ALDH1L1: variants seen among roughly 807,000 people sequenced by gnomAD.
ALDH1L1 encodes the protein aldehyde dehydrogenase 1 family member L1, also known as cytosolic 10-formyltetrahydrofolate dehydrogenase.
ALDH1L1 carries 68 observed loss-of-function variants against 101.1 expected under a neutral mutation model. The ratio of observed to expected loss-of-function variants is 0.67; its 90% confidence interval spans 0.55 to 0.82. The LOEUF (loss-of-function observed/expected upper bound fraction) is 0.82. ALDH1L1 is among the 40% of genes least tolerant of loss of function. The pLI is 0.00. For synonymous variants in ALDH1L1, 486 were observed against 470.8 expected, an observed-to-expected ratio of 1.03 and a Z score of -0.42; for missense variants, 1,087 against 1,172.7, an observed-to-expected ratio of 0.93 and a Z score of 1.07.
At chr3:126,175,250 C>T (rs899290249) in intron 1 of ALDH1L1, among the ~76,000 whole-genome samples, 1 of 152,034 alleles carries the variant, frequency 6.6e-6, no homozygotes, top group African/African-American at 2.4e-5. Context: ...AGCCAGTAGC[C>T]TTCCAAAATA....
At position 126,112,853 on chromosome 3, in the gene ALDH1L1, CT is replaced by C; in HGVS notation, c.2109del (p.Gly704GlufsTer25). The C allele has an allele frequency of 6.2e-7, 1 of 1,613,598 alleles. No individual in the cohort carries two copies. The highest frequency in any genetic ancestry group is 8.5e-7 in the Non-Finnish European group (1 of 1,180,030). Reference sequence around the variant, plus strand: ...CGGCCTGCTGCAATGCAATTCTCTCCTTTGTTGAAGAAAACAGAACTCATCC... The same window carrying C: ...CGGCCTGCTGCAATGCAATTCTCTCCTTGTTGAAGAAAACAGAACTCATCC... Reference protein sequence around the residue: ...QMGMSSVFFNKGENCIAAGRL... With the variant: ...QMGMSSVFFNXGENCIAAGRL... On this transcript the variant is annotated frameshift_variant, in exon 19 of 23. Transcript: ENST00000393434. LOFTEE classifies it high-confidence loss of function.
At chr3:126,164,583 A>G (rs912086221) in intron 1 of ALDH1L1, among the ~76,000 whole-genome samples, 6 of 152,214 alleles carry the variant, frequency 3.9e-5, no homozygotes, top group Admixed American at 6.5e-5. Context: ...GTAATATTCC[A>G]TGGTGTATAT....
At chr3:126,112,362 G>A (rs1471182780) in intron 19 of ALDH1L1, among the ~76,000 whole-genome samples, 1 of 152,058 alleles carries the variant, frequency 6.6e-6, no homozygotes, top group African/African-American at 2.4e-5. Flanking sequence ...GGGGATTCGT[G>A]CTCCAGGGCC....
chr3:126,152,880 G>T (rs1005784983), intron 7 of ALDH1L1: 7 of 190,174 alleles, frequency 3.7e-5, no homozygotes, highest in Non-Finnish European at 3.3e-5. Flanking sequence ...TCATAGTGTT[G>T]TTAGGCAGAT....
intron 12 of ALDH1L1, chr3:126,135,219 T>C (rs914917237): frequency 7.7e-6 from 2 of 261,246 alleles, no homozygotes; most frequent in African/African-American, 4.6e-5. Flanking sequence ...AAGTGCTTTG[T>C]CTGCCTGGGA....
intron 16 of ALDH1L1, among the ~76,000 whole-genome samples, chr3:126,120,598 C>T (rs892733356): frequency 1.3e-5 from 2 of 152,100 alleles, no homozygotes; most frequent in African/African-American, 4.8e-5. Context: ...AAACTACGGA[C>T]TTCGGGGGAT....
chr3:126,140,092 C>A (rs2080538260), intron 9 of ALDH1L1, among the ~76,000 whole-genome samples: 1 of 152,078 alleles, frequency 6.6e-6, no homozygotes, highest in African/African-American at 2.4e-5. Context: ...TCAAAGAGAT[C>A]CACACCAAGG....
intron 3 of ALDH1L1, 46 bp from the exon 4 acceptor site, chr3:126,157,554 C>T (rs187837129): frequency 1.2e-5 from 19 of 1,593,422 alleles, no homozygotes; most frequent in South Asian, 4.6e-5. Flanking sequence ...TGAAGGGCCA[C>T]GGAGGATGTC....
intron 1 of ALDH1L1, among the ~76,000 whole-genome samples, chr3:126,165,710 T>C (rs1365830843): frequency 6.6e-6 from 1 of 152,216 alleles, no homozygotes; most frequent in Non-Finnish European, 1.5e-5. Context: ...TTTGTGTGCA[T>C]ATATTTGTTC....
At chr3:126,107,469 AG>A (rs1945922055) in intron 20 of ALDH1L1, among the ~76,000 whole-genome samples, 2 of 152,170 alleles carry the variant, frequency 1.3e-5, no homozygotes, top group African/African-American at 4.8e-5. Context: ...AGTGCTGTTG[AG>A]GGAAATGGGG....
chr3:126,136,822 T>TG lies in ALDH1L1; in HGVS notation c.1285_1286insC (p.Glu429AlafsTer12). 2 of 1,608,158 alleles carry TG rather than the reference T, an allele frequency of 1.2e-6. No individual in the cohort carries two copies. Among genetic ancestry groups the TG allele is most frequent in the Non-Finnish European group, 1.7e-6 (2 of 1,177,606 alleles). On this transcript the variant is annotated frameshift_variant, in exon 11 of 23. Transcript: ENST00000393434. LOFTEE classifies it high-confidence loss of function. ...CTTGGCGCCCTCGGCATCCACGAAC[T>TG]CCCCCCCAATGAAGAGCTGGTGGGG...
At chr3:126,127,190 C>T (rs3821464) in intron 14 of ALDH1L1, among the ~76,000 whole-genome samples, 88,817 of 152,058 alleles carry the variant, frequency 0.58, 26,381 homozygotes, top group Middle Eastern at 0.7. Flanking sequence ...GGGGAAAGGC[C>T]GAGCCCCGGG....
At chr3:126,121,421 T>C (rs2080077241) in intron 16 of ALDH1L1, among the ~76,000 whole-genome samples, 1 of 152,152 alleles carries the variant, frequency 6.6e-6, no homozygotes, top group Admixed American at 6.5e-5. Flanking sequence ...AAAAACAACT[T>C]GGCAATTGTT....
rs1287086892 is a variant in ALDH1L1 at position 126,160,839 on chromosome 3, A to G, written c.127+14T>C. ...CGCCCTCCATCAGCTTCCCTGCTCC[A>G]TTGGCTCACTCACCCAGGGGGTCGG... On this transcript the variant is annotated intron_variant, in intron 2 of 22. Coordinates refer to ENST00000393434, the MANE Select transcript of ALDH1L1 (RefSeq NM_012190.4). 3.7e-6 allele frequency: 6 copies of G among 1,613,112 alleles called. No homozygotes were observed. The South Asian group carries it at 4.4e-5, about 12-fold the overall frequency.
intron 19 of ALDH1L1, 27 bp downstream of exon 19, chr3:126,112,755 G>A (rs756334605): frequency 1.4e-4 from 219 of 1,605,994 alleles, no homozygotes; most frequent in Non-Finnish European, 1.6e-4. Context: ...TGAACCAGCC[G>A]CCCGCAGACC....
chr3:126,112,005 G>A (rs1254598557), intron 19 of ALDH1L1, among the ~76,000 whole-genome samples: 3 of 152,158 alleles, frequency 2.0e-5, no homozygotes, highest in African/African-American at 4.8e-5. Context: ...TGGTGAGAAG[G>A]TAATGCTGGT....
At chr3:126,116,252 ATTTATTTATTTG>A (rs1311671446) in intron 17 of ALDH1L1, among the ~76,000 whole-genome samples, 2 of 148,056 alleles carry the variant, frequency 1.4e-5, no homozygotes, top group African/African-American at 5.0e-5. Context: ...CTATTTATTT[ATTTATTTATTTG>A]AGCCAGGCTT....
chr3:126,135,885 G>T (rs2080430288), intron 11 of ALDH1L1, among the ~76,000 whole-genome samples: 1 of 152,174 alleles, frequency 6.6e-6, no homozygotes, highest in Non-Finnish European at 1.5e-5. Context: ...ACACCCCAAG[G>T]TCCCCACCCT....
intron 16 of ALDH1L1, among the ~76,000 whole-genome samples, chr3:126,122,035 G>T (rs2080089729): frequency 6.6e-6 from 1 of 152,204 alleles, no homozygotes; most frequent in Non-Finnish European, 1.5e-5. Flanking sequence ...CTGCAAGGCA[G>T]AACAAGTGCA....
Sources: allele counts gnomAD v4.1 joint callset (sites outside exome capture counted in the v4.1 genomes callset), GRCh38; gene constraint gnomAD v4.1.1; transcripts MANE v1.5; gene names NCBI Gene and HGNC (gene_info 2026-07-23, HGNC 2026-07-21).